The following ACOT11 variants were observed in gnomAD, a reference collection of about 807,000 sequenced individuals.
The protein encoded by ACOT11 is acyl-coenzyme A thioesterase 11.
Under a neutral mutation model 77.5 loss-of-function variants are expected in ACOT11, and 69 were observed. The ratio of observed to expected loss-of-function variants is 0.89; its 90% CI spans 0.73 to 1.09. The LOEUF is 1.09. ACOT11 is among the 50% of genes least tolerant of loss of function. The pLI is 0.00. For missense variants in ACOT11, 766 were observed against 813.7 expected (o/e 0.94, Z 0.71); for synonymous variants, 279 against 313.0 (o/e 0.89, Z 1.15).
chr1:54,586,480 G>A (rs1654507619), intron 3 of ACOT11, among the ~76,000 whole-genome samples: 2 of 150,996 alleles, frequency 1.3e-5, no homozygotes, highest in African/African-American at 4.9e-5. Context: ...CACCCAGGCT[G>A]GAGTACAATG....
At chr1:54,564,363 GC>G (rs532604081) in intron 1 of ACOT11, among the ~76,000 whole-genome samples, 72 of 152,398 alleles carry the variant, frequency 4.7e-4, no homozygotes, top group African/African-American at 1.5e-3. Context: ...CCGGGCTGTG[GC>G]CCAGAGAGGA....
intron 15 of ACOT11, among the ~76,000 whole-genome samples, chr1:54,617,907 A>T (rs561657383): frequency 6.6e-6 from 1 of 150,806 alleles, no homozygotes; most frequent in South Asian, 2.1e-4. Flanking sequence ...TTGTACTTTT[A>T]GTGGAGATGC....
chr1:54,560,831 C>T (rs1425886598), intron 1 of ACOT11, among the ~76,000 whole-genome samples: 1 of 152,178 alleles, frequency 6.6e-6, no homozygotes, highest in Non-Finnish European at 1.5e-5. Context: ...AAGCAATTCC[C>T]CTTCGTCAGC....
chr1:54,612,614 G>T, downstream of ACOT11: 1 of 1,614,100 alleles, frequency 6.2e-7, no homozygotes, highest in African/African-American at 1.3e-5. Context: ...CCATGGCTTG[G>T]GTGTACGTCC....
At position 54,605,067 on chromosome 1, in the gene ACOT11, C is replaced by T. The variant is rs1350479599; in HGVS notation, c.1237-9C>T. 6.2e-7 allele frequency: 1 copy of T among 1,611,314 alleles called. No homozygotes were observed. Among genetic ancestry groups the T allele is most frequent in the Non-Finnish European group, 8.5e-7 (1 of 1,178,960 alleles). On this transcript the variant is annotated splice_polypyrimidine_tract_variant and intron_variant, in intron 12 of 15. Coordinates refer to ENST00000343744, the MANE Select transcript of ACOT11 (RefSeq NM_147161.4). ...CCCAGCAAATGAGGCTGCCCTCTAT[C>T]CCATGCAGGTCCGCCTGTACACTCT...
chr1:54,615,953 T>A (rs1446072465), intron 15 of ACOT11: 2 of 1,541,468 alleles, frequency 1.3e-6, no homozygotes, highest in East Asian at 4.6e-5. Flanking sequence ...CAGTGAGGGA[T>A]CTCTGCACAT....
chr1:54,585,689 G>C, intron 2 of ACOT11, 146 bp from the exon 3 acceptor site: 1 of 697,970 alleles, frequency 1.4e-6, no homozygotes, highest in Admixed American at 2.5e-5. Flanking sequence ...ACGGTGAGGG[G>C]TGTAAGGAAT....
intron 1 of ACOT11, chr1:54,582,496 G>A: frequency 2.0e-6 from 2 of 985,436 alleles, no homozygotes; most frequent in Non-Finnish European, 2.4e-6. Context: ...AGTGAGCAAG[G>A]CACAGGTCCT....
chr1:54,612,678 T>G (rs1385573932), downstream of ACOT11: 1 of 1,613,852 alleles, frequency 6.2e-7, no homozygotes, highest in African/African-American at 1.3e-5. Context: ...TAGGGTAGCC[T>G]TGGGATACTT....
chr1:54,554,756 T>A (rs1653203476), intron 1 of ACOT11, among the ~76,000 whole-genome samples: 2 of 152,164 alleles, frequency 1.3e-5, no homozygotes, highest in African/African-American at 4.8e-5. Flanking sequence ...GAGGTATCTC[T>A]TCAATATACT....
At position 54,610,203 on chromosome 1, in the gene ACOT11, C is replaced by T. The variant is rs1369788520; in HGVS notation, c.*1091C>T. ...GCCGGCCTTGCCTGCAGCAATGTAG[C>T]TGAGGACTGGTCTGAAGGCCAGGAG... On this transcript the variant is annotated 3_prime_UTR_variant, in exon 16 of 16. Coordinates refer to ENST00000343744, the MANE Select transcript of ACOT11 (RefSeq NM_147161.4). 4.2e-6 allele frequency: 6 copies of T among 1,435,328 alleles called. No homozygotes were observed. Among genetic ancestry groups the T allele is most frequent in the Non-Finnish European group, 5.5e-6 (6 of 1,100,218 alleles). 88.9% of individuals were successfully genotyped at this position (1,435,328 alleles called of 1,614,324 possible). A position where few individuals can be genotyped will look rare whatever the true frequency, so the allele number is the denominator to read the frequency against.
intron 6 of ACOT11, among the ~76,000 whole-genome samples, chr1:54,596,590 T>A (rs984521715): frequency 1.3e-5 from 2 of 152,244 alleles, no homozygotes; most frequent in Non-Finnish European, 2.9e-5. Flanking sequence ...ATTATTTTTT[T>A]TGAGACAGAG....
intron 1 of ACOT11, among the ~76,000 whole-genome samples, chr1:54,567,657 C>A (rs1452755198): frequency 1.3e-5 from 2 of 151,224 alleles, no homozygotes; most frequent in Non-Finnish European, 3.0e-5. Context: ...GCAAACCCTC[C>A]CTCTACACTG....
At chr1:54,553,793 C>G (rs958254114) in intron 1 of ACOT11, among the ~76,000 whole-genome samples, 1 of 152,180 alleles carries the variant, frequency 6.6e-6, no homozygotes, top group African/African-American at 2.4e-5. Context: ...GCATTATACT[C>G]TATTTCCATG....
chr1:54,623,241 G>T (rs1644248368), intron 15 of ACOT11: 1 of 1,422,046 alleles, frequency 7.0e-7, no homozygotes, highest in Non-Finnish European at 9.9e-7. Flanking sequence ...GAGCGATGAG[G>T]GAAGCCACTC....
At position 54,627,413 on chromosome 1, in the gene ACOT11, C is replaced by T. The variant is rs150453744; in HGVS notation, c.1630-3321C>T. On this transcript the variant is annotated intron_variant, in intron 15 of 16. Coordinates refer to the ACOT11 transcript ENST00000371316. ...TTGGCAGGAGGAACAGCCCTGGAAC[C>T]GACTCCAAGCTGTGAAGACTCCTCC... is the stretch of plus-strand genomic sequence containing the variant. 8.9e-5 allele frequency among the ~76,000 whole-genome samples: 12 copies of T among 134,404 alleles called. 3 individuals are homozygous for T. The East Asian group carries it at 1.9e-3, about 21-fold the overall frequency. The allele number at this position is 134,404 out of a possible 152,430, so 88.2% of individuals were successfully genotyped here.
At chr1:54,614,677 G>A (rs1449598790), downstream of ACOT11, 5 of 1,600,044 alleles carry the variant, frequency 3.1e-6, no homozygotes, top group Non-Finnish European at 4.3e-6. Context: ...GGACACAGCT[G>A]GGACAGAGAG....
At chr1:54,625,581 T>C (rs1468373236) in intron 15 of ACOT11, among the ~76,000 whole-genome samples, 3 of 152,110 alleles carry the variant, frequency 2.0e-5, no homozygotes, top group Non-Finnish European at 4.4e-5. Context: ...CAACCACATA[T>C]GCTTTACTCT....
At chr1:54,560,147 C>G (rs370571130) in intron 1 of ACOT11, among the ~76,000 whole-genome samples, 70 of 152,284 alleles carry the variant, frequency 4.6e-4, no homozygotes, top group Middle Eastern at 3.4e-3. Context: ...CTCAGATGCC[C>G]TCAGGTTGAT....
Sources: allele counts gnomAD v4.1 joint callset (sites outside exome capture counted in the v4.1 genomes callset), GRCh38; gene constraint gnomAD v4.1.1; transcripts MANE v1.5; gene names NCBI Gene and HGNC (gene_info 2026-07-23, HGNC 2026-07-21).